CDC14A: variants seen among roughly 807,000 people sequenced by gnomAD.
The protein encoded by CDC14A is dual specificity protein phosphatase CDC14A.
CDC14A carries 53 observed loss-of-function variants against 74.4 expected under a neutral mutation model. That is an observed-to-expected ratio of 0.71 (90% CI 0.57 to 0.89). The LOEUF is 0.89. Among genes scored for constraint, CDC14A ranks in the 40% least tolerant of loss-of-function variants. CDC14A has a pLI of 0.00. For missense variants in CDC14A, 646 were observed against 713.7 expected (o/e 0.91, Z 1.08); for synonymous variants, 247 against 258.4 (o/e 0.96, Z 0.43).
intron 1 of CDC14A, 42 bp from the exon 2 acceptor site, chr1:100,353,720 A>G (rs563205985): frequency 1.1e-5 from 11 of 1,042,706 alleles, no homozygotes; most frequent in African/African-American, 7.9e-5. Flanking sequence ...CCACTTCTCT[A>G]CTTCTCATAT....
chr1:100,371,647 C>A (rs1654494230), intron 2 of CDC14A, among the ~76,000 whole-genome samples: 1 of 152,090 alleles, frequency 6.6e-6, no homozygotes, highest in South Asian at 2.1e-4. Flanking sequence ...AGGAATGAAG[C>A]CTACTTCATC....
At chr1:100,510,802 C>T (rs1407539293) in intron 15 of CDC14A, among the ~76,000 whole-genome samples, 1 of 152,206 alleles carries the variant, frequency 6.6e-6, no homozygotes, top group Non-Finnish European at 1.5e-5. Flanking sequence ...CCCTTCAGTG[C>T]TCCTAATTAG....
intron 10 of CDC14A, among the ~76,000 whole-genome samples, chr1:100,477,114 C>G (rs1358465758): frequency 3.3e-5 from 5 of 152,174 alleles, no homozygotes; most frequent in Admixed American, 6.5e-5. Context: ...CATATGGAAC[C>G]AGCTCTGCCT....
intron 2 of CDC14A, among the ~76,000 whole-genome samples, chr1:100,364,886 CTGT>C (rs1360961982): frequency 2.0e-5 from 3 of 152,302 alleles, no homozygotes; most frequent in Admixed American, 2.0e-4. Context: ...ACCATCTGGT[CTGT>C]TGTTTGGCTT....
intron 2 of CDC14A, 45 bp from the exon 3 acceptor site, chr1:100,377,501 A>T (rs1205801566): frequency 1.5e-6 from 2 of 1,298,620 alleles, no homozygotes; most frequent in African/African-American, 3.0e-5. Flanking sequence ...ACTGAAAATT[A>T]TACTTTGACT....
intron 7 of CDC14A, among the ~76,000 whole-genome samples, chr1:100,445,494 G>A (rs1180750332): frequency 7.9e-5 from 12 of 152,128 alleles, no homozygotes; most frequent in Non-Finnish European, 1.0e-4. Context: ...TAAATATACA[G>A]CCAAACACTA....
intron 2 of CDC14A, among the ~76,000 whole-genome samples, chr1:100,366,123 A>C (rs1404789669): frequency 6.6e-6 from 1 of 152,226 alleles, no homozygotes; most frequent in Non-Finnish European, 1.5e-5. Context: ...TGAGTGAGCA[A>C]GTGAATGAAG....
At chr1:100,410,362 C>A (rs1414575059) in intron 4 of CDC14A, among the ~76,000 whole-genome samples, 1 of 152,056 alleles carries the variant, frequency 6.6e-6, no homozygotes, top group Non-Finnish European at 1.5e-5. Flanking sequence ...TGCTCTGTTG[C>A]CCAGGCTGGT....
intron 11 of CDC14A, among the ~76,000 whole-genome samples, chr1:100,491,518 A>ATCTCTCTCTCTCTCTCTC (rs761858427): frequency 1.1e-4 from 3 of 26,586 alleles, no homozygotes; most frequent in East Asian, 1.2e-3. Context: ...ATATATCTGC[A>ATCTCTCTCTCTCTCTCTC]TCTCTCTCTC....
At chr1:100,425,391 C>T (rs1014071277) in intron 5 of CDC14A, among the ~76,000 whole-genome samples, 2 of 152,176 alleles carry the variant, frequency 1.3e-5, no homozygotes, top group African/African-American at 4.8e-5. Context: ...CTCTGCTTGT[C>T]TGTCTTCCTC....
intron 10 of CDC14A, among the ~76,000 whole-genome samples, chr1:100,479,899 T>C (rs933038329): frequency 2.0e-5 from 3 of 152,210 alleles, no homozygotes; most frequent in African/African-American, 7.2e-5. Flanking sequence ...TCTTTGGCAG[T>C]GGTTGCATCA....
intron 4 of CDC14A, among the ~76,000 whole-genome samples, chr1:100,413,878 G>T (rs894032680): frequency 1.3e-5 from 2 of 152,110 alleles, no homozygotes; most frequent in African/African-American, 4.8e-5. Context: ...CAAAACATTA[G>T]AAATAATTCA....
At chr1:100,406,029 C>A (rs1022786744) in intron 4 of CDC14A, among the ~76,000 whole-genome samples, 1 of 152,204 alleles carries the variant, frequency 6.6e-6, no homozygotes. Context: ...TCCGCAGTCT[C>A]ACCAGCATCT....
chr1:100,347,078 T>C (rs1650490666), intron 1 of CDC14A, among the ~76,000 whole-genome samples: 1 of 152,252 alleles, frequency 6.6e-6, no homozygotes, highest in East Asian at 1.9e-4. Context: ...AAAATAGTTC[T>C]AGATATTATG....
chr1:100,406,651 C>G (rs542747655), intron 4 of CDC14A, among the ~76,000 whole-genome samples: 186 of 152,166 alleles, frequency 1.2e-3, no homozygotes, highest in African/African-American at 4.4e-3. Context: ...TGGCCAGGCA[C>G]GTTTGCTTAT....
chr1:100,474,149 C>T (rs1030540600), intron 10 of CDC14A, among the ~76,000 whole-genome samples: 1 of 152,052 alleles, frequency 6.6e-6, no homozygotes, highest in Non-Finnish European at 1.5e-5. Context: ...TAGATTGCAT[C>T]GATTGTTTTT....
chr1:100,369,030 ACTAATTTAGATTCCCGCCG>A (rs1654039198), intron 2 of CDC14A, among the ~76,000 whole-genome samples: 1 of 151,536 alleles, frequency 6.6e-6, no homozygotes, highest in South Asian at 2.1e-4. Flanking sequence ...CAGTGGCTGG[ACTAATTTAGATTCCCGCCG>A]CCAACAGTGT....
At chr1:100,501,559 T>C (rs765129947) in intron 15 of CDC14A, among the ~76,000 whole-genome samples, 1 of 152,250 alleles carries the variant, frequency 6.6e-6, no homozygotes, top group African/African-American at 2.4e-5. Flanking sequence ...AATACAATTA[T>C]GTACAGTGCA....
At chr1:100,393,750 C>T (rs956584030) in intron 4 of CDC14A, 13 of 348,436 alleles carry the variant, frequency 3.7e-5, no homozygotes, top group South Asian at 7.0e-5. Flanking sequence ...GGTCAAGAGA[C>T]GGAGACCATC....
Sources: gnomAD v4.1 joint callset for allele counts (sites outside exome capture counted in the v4.1 genomes callset) on GRCh38, gnomAD v4.1.1 for gene constraint, MANE v1.5 for transcripts, NCBI Gene and HGNC (gene_info 2026-07-23, HGNC 2026-07-21) for gene names.